The following SLITRK5 variants were observed in gnomAD, a reference collection of about 807,000 sequenced individuals.
SLITRK5 encodes the protein SLIT and NTRK-like protein 5.
In SLITRK5, 23 loss-of-function variants were observed where a neutral mutation model predicts 56.2. The ratio of observed to expected loss-of-function variants is 0.41; its 90% CI spans 0.29 to 0.58. The LOEUF is 0.58. Among genes scored for constraint, SLITRK5 ranks in the 20% least tolerant of loss-of-function variants. The pLI is 0.30. For missense variants in SLITRK5, 1,289 were observed against 1,226.6 expected (o/e 1.05, Z -0.76); for synonymous variants, 637 against 531.8 (o/e 1.20, Z -2.72).
chr13:87,675,057 A>G (rs114967920), intron 1 of SLITRK5, among the ~76,000 whole-genome samples: 1 of 151,672 alleles, frequency 6.6e-6, no homozygotes, highest in Admixed American at 6.6e-5. Flanking sequence ...CAGCCATTTT[A>G]TGTATATTTA....
Position 87,677,435 on chromosome 13 carries a change from G to A in SLITRK5, c.2047G>A (p.Gly683Arg), listed in dbSNP as rs375616603. Reference sequence around the variant, plus strand: ...CATCATGTCCGTCTTCGTGGCCGCCGGGCTCTTCGTGCTGGTCATGAAGCG... The same window carrying A: ...CATCATGTCCGTCTTCGTGGCCGCCAGGCTCTTCGTGCTGGTCATGAAGCG... The part of the protein sequence containing the change: ...VFIMSVFVAA[G>R]LFVLVMKRRK... Residue 683 changes from glycine (G) to arginine (R), a missense_variant, in exon 2 of 2, where the codon GGG becomes AGG. By Grantham distance (125) the Gly-to-Arg change is moderately radical. This residue lies in a region of SLITRK5 where 985 missense variants were observed against 906.0 expected (regional missense o/e 1.09). Transcript: ENST00000683689. This position sits in a 1 kb window ranked among gnomAD's most constrained non-coding sequence, Gnocchi z 4.7. 1 of 1,613,170 alleles carries A rather than the reference G, an allele frequency of 6.2e-7. No individual in the cohort carries two copies. Among genetic ancestry groups the A allele is most frequent in the Non-Finnish European group, 8.5e-7 (1 of 1,179,982 alleles).
Position 87,678,530 on chromosome 13 carries a change from A to G in SLITRK5, c.*265A>G. 2 of 448,760 alleles carry G rather than the reference A, an allele frequency of 4.5e-6. No individual in the cohort carries two copies. The allele number at this position is 448,760 out of a possible 1,614,324, so 27.8% of individuals were successfully genotyped here. On this transcript the variant is annotated 3_prime_UTR_variant, in exon 2 of 2. Transcript: ENST00000683689. Reference sequence around the variant, plus strand: ...GTGGAGAAGGGCTTTAAGGAGGCCAATTTGCTGCGCGGGTGACCTGTGAAA... The same window carrying G: ...GTGGAGAAGGGCTTTAAGGAGGCCAGTTTGCTGCGCGGGTGACCTGTGAAA...
At position 87,671,621 on chromosome 13, in the gene SLITRK5, G is replaced by C. The variant is rs918127012; in HGVS notation, c.-597G>C. On this transcript the variant is annotated 5_prime_UTR_variant, in exon 1 of 2. Transcript: ENST00000683689. ...ACAGGCATAGAACGACGCGGTTGCT[G>C]CCCGCCCCCCCCTTCCCCCAGAAAC... Among the ~76,000 whole-genome samples the C allele has an allele frequency of 2.6e-5, 4 of 151,976 alleles. No individual in the cohort carries two copies. Among genetic ancestry groups the C allele is most frequent in the African/African-American group, 9.7e-5 (4 of 41,372 alleles).
chr13:87,677,548 C>T lies in SLITRK5; in HGVS notation c.2160C>T (p.Gly720=). 1 of 1,608,116 alleles carries T rather than the reference C, an allele frequency of 6.2e-7. No individual in the cohort carries two copies. The highest frequency in any genetic ancestry group is 1.1e-5 in the South Asian group (1 of 90,902). The change falls in exon 2 of 2, where the codon GGC becomes GGT. Residue 720 remains glycine, a synonymous_variant. Coordinates refer to ENST00000683689, the MANE Select transcript of SLITRK5 (RefSeq NM_001384609.1). This position sits in a 1 kb window ranked among gnomAD's most constrained non-coding sequence, Gnocchi z 4.7. ...FNMQYSVYGG[G]GGTGGHPHAH... The stretch of plus-strand genomic sequence containing the variant: ...TGCAGTACAGCGTGTACGGCGGCGG[C>T]GGCGGCACGGGCGGCCACCCACACG...
At position 87,677,310 on chromosome 13, in the gene SLITRK5, T is replaced by G. The variant is rs1001877271; in HGVS notation, c.1922T>G (p.Val641Gly). 9.3e-6 allele frequency: 15 copies of G among 1,614,006 alleles called. No individual in the cohort carries two copies. The highest frequency in any genetic ancestry group is 1.3e-5 in the Non-Finnish European group (15 of 1,180,026). Reference sequence around the variant, plus strand: ...AGGACCAGCGCCGTGACTCCTGCGGTCCGGTTGAATAGCACCGGGGCCCCC... The same window carrying G: ...AGGACCAGCGCCGTGACTCCTGCGGGCCGGTTGAATAGCACCGGGGCCCCC... ...PARTSAVTPA[V>G]RLNSTGAPAS... The change falls in exon 2 of 2, where the codon GTC becomes GGC. Residue 641 changes from valine to glycine, a missense_variant. Val to Gly is a moderately radical substitution (Grantham distance 109). This residue lies in a region of SLITRK5 where 985 missense variants were observed against 906.0 expected (regional missense o/e 1.09). Transcript: ENST00000683689. This position sits in a 1 kb window ranked among gnomAD's most constrained non-coding sequence, Gnocchi z 4.7.
chr13:87,674,007 A>AACAC (rs71101016), intron 1 of SLITRK5, among the ~76,000 whole-genome samples: 2,445 of 142,596 alleles, frequency 0.017, 36 homozygotes, highest in African/African-American at 0.044. Context: ...CGCACACACA[A>AACAC]ACACACACAC....
chr13:87,672,806 C>A (rs1205687483), intron 1 of SLITRK5: 2 of 153,414 alleles, frequency 1.3e-5, no homozygotes, highest in African/African-American at 2.5e-5. Context: ...GATGACTGGG[C>A]CTTGGAGATG....
rs1429021503 is a variant in SLITRK5 at position 87,676,549 on chromosome 13, G to C, written c.1161G>C (p.Leu387=). The change falls in exon 2 of 2, where the codon CTG becomes CTC. Residue 387 remains leucine (L), a synonymous_variant. Transcript: ENST00000683689. ...CTTGCAACCTGCAGATCTCTGATCT[G>C]GGCCTCAACGTAAACTGCCAGGAGC... The part of the protein sequence containing the change: ...ACSCNLQISD[L]GLNVNCQERK... 1 of 1,613,978 alleles carries C rather than the reference G, an allele frequency of 6.2e-7. No individual in the cohort carries two copies. The highest frequency in any genetic ancestry group is 8.5e-7 in the Non-Finnish European group (1 of 1,180,032).
At position 87,677,008 on chromosome 13, in the gene SLITRK5, C is replaced by G; in HGVS notation, c.1620C>G (p.Phe540Leu). 1 of 1,614,152 alleles carries G rather than the reference C, an allele frequency of 6.2e-7. No individual in the cohort carries two copies. Among genetic ancestry groups the G allele is most frequent in the Non-Finnish European group, 8.5e-7 (1 of 1,180,026 alleles). ...LLRLNLRSNH[F>L]TSLPVSGVLD... ...GGCTAAACCTGAGGAGTAACCACTT[C>G]ACCTCCTTGCCAGTGAGTGGAGTTT... Residue 540 changes from phenylalanine to leucine, a missense_variant, in exon 2 of 2, where the codon TTC becomes TTG. Physicochemically the swap from Phe to Leu is conservative, Grantham distance 22 (BLOSUM62 0). Around this residue, in one of 3 missense-constraint regions of SLITRK5, gnomAD observed 985 missense variants for 906.0 expected, o/e 1.09. Coordinates refer to ENST00000683689, the MANE Select transcript of SLITRK5 (RefSeq NM_001384609.1). This position sits in a 1 kb window ranked among gnomAD's most constrained non-coding sequence, Gnocchi z 4.7.
At chr13:87,674,466 C>T in intron 1 of SLITRK5, 9 of 919,810 alleles carry the variant, frequency 9.8e-6, no homozygotes, top group Non-Finnish European at 1.2e-5. Flanking sequence ...GTAGGAACGT[C>T]CTTTTTAAAC....
Position 87,677,585 on chromosome 13 carries a change from C to G in SLITRK5, c.2197C>G (p.His733Asp). ...CGGCCACCCACACGCGCACGTGCATCACCGCGGGCCCGCGCTGCCCAAGGT... is the reference window on the plus strand; with the variant it reads ...CGGCCACCCACACGCGCACGTGCATGACCGCGGGCCCGCGCTGCCCAAGGT... ...TGGHPHAHVH[H>D]RGPALPKVKT... Residue 733 changes from histidine (H) to aspartate (D), a missense_variant, in exon 2 of 2, where the codon CAC becomes GAC. Physicochemically the swap from His to Asp is moderately conservative, Grantham distance 81. Transcript: ENST00000683689. The surrounding 1 kb of genome is among the most constrained non-coding windows in gnomAD (Gnocchi z 4.7). The G allele has an allele frequency of 6.2e-7, 1 of 1,609,712 alleles. No individual in the cohort carries two copies. The highest frequency in any genetic ancestry group is 8.5e-7 in the Non-Finnish European group (1 of 1,177,202).
chr13:87,673,587 C>T (rs1877138902), intron 1 of SLITRK5: 10 of 1,185,850 alleles, frequency 8.4e-6, no homozygotes, highest in Non-Finnish European at 1.1e-5. Context: ...AAACGTTTTG[C>T]TTTCACTGGG....
In SLITRK5 at chr13:87,676,368, C is replaced by G; in HGVS notation, c.980C>G (p.Pro327Arg). ...TCTTCCTCTGCTGTTTACAAACCCC[C>G]TTTGAAGCCCCCTAAGGGGACTCGC... Reference protein sequence around the residue: ...ATSSSAVYKPPLKPPKGTRQP... With the variant: ...ATSSSAVYKPRLKPPKGTRQP... The change falls in exon 2 of 2, where the codon CCT (proline) becomes CGT (arginine). Residue 327 changes from proline (P) to arginine (R), a missense_variant. Coordinates refer to ENST00000683689, the MANE Select transcript of SLITRK5 (RefSeq NM_001384609.1). The G allele has an allele frequency of 6.2e-7, 1 of 1,614,132 alleles. No homozygotes were observed. The highest frequency in any genetic ancestry group is 8.5e-7 in the Non-Finnish European group (1 of 1,180,024).
chr13:87,677,358 G>A lies in SLITRK5; in HGVS notation c.1970G>A (p.Gly657Glu), dbSNP rs757317262. 1 of 1,614,014 alleles carries A rather than the reference G, an allele frequency of 6.2e-7. No individual in the cohort carries two copies. The highest frequency in any genetic ancestry group is 8.5e-7 in the Non-Finnish European group (1 of 1,179,986). The part of the protein sequence containing the change: ...GAPASLGAGG[G>E]ASSVPLSVLI... ...CCCGCGAGCTTGGGCGCAGGCGGAG[G>A]GGCGTCGTCGGTGCCCTTGTCTGTG... is the stretch of plus-strand genomic sequence containing the variant. Residue 657 changes from glycine (G) to glutamate (E), a missense_variant, in exon 2 of 2, where the codon GGG becomes GAG. Transcript: ENST00000683689. This position sits in a 1 kb window ranked among gnomAD's most constrained non-coding sequence, Gnocchi z 4.7.
intron 1 of SLITRK5, chr13:87,674,272 T>C: frequency 2.1e-6 from 1 of 480,016 alleles, no homozygotes; most frequent in Non-Finnish European, 2.7e-6. Context: ...GTCCTTTCCC[T>C]GAGATTAAAA....
At chr13:87,674,148 G>A (rs1011589721) in intron 1 of SLITRK5, among the ~76,000 whole-genome samples, 1 of 152,120 alleles carries the variant, frequency 6.6e-6, no homozygotes, top group Admixed American at 6.5e-5. Context: ...AAAAAAGGGG[G>A]AGGGGGTCAT....
In SLITRK5 at chr13:87,678,147, C is replaced by A. The variant is rs777072239; in HGVS notation, c.2759C>A (p.Pro920Gln). The A allele has an allele frequency of 4.3e-6, 7 of 1,614,050 alleles. No individual in the cohort carries two copies. The highest frequency in any genetic ancestry group is 1.6e-4 in the Middle Eastern group (1 of 6,084). Residue 920 changes from proline (P) to glutamine (Q), a missense_variant, in exon 2 of 2, where the codon CCG becomes CAG. Transcript: ENST00000683689. ...CGGGAACCGGTGCTCTACAGCCCCC[C>A]GAGTGCTGTCTTTGTAGAACCCAAC... ...RLREPVLYSP[P>Q]SAVFVEPNRN...
At chr13:87,674,058 T>A (rs1437344166) in intron 1 of SLITRK5, among the ~76,000 whole-genome samples, 2 of 151,616 alleles carry the variant, frequency 1.3e-5, no homozygotes, top group East Asian at 3.9e-4. Context: ...TCCATTTATG[T>A]CCTTCCTTTA....
chr13:87,678,081 C>T lies in SLITRK5; in HGVS notation c.2693C>T (p.Pro898Leu), dbSNP rs763092638. Residue 898 changes from proline (P) to leucine (L), a missense_variant, in exon 2 of 2, where the codon CCC becomes CTC. Around this residue, in one of 3 missense-constraint regions of SLITRK5, gnomAD observed 985 missense variants for 906.0 expected, o/e 1.09. Coordinates refer to ENST00000683689, the MANE Select transcript of SLITRK5 (RefSeq NM_001384609.1). ...TFSPNYDLRR[P>L]HQYLHPGAGD... ...TCCCCCAACTATGACCTGAGACGCC[C>T]CCATCAGTATTTGCACCCGGGGGCA... 2.5e-6 allele frequency: 4 copies of T among 1,614,212 alleles called. No individual in the cohort carries two copies. In the South Asian group the frequency reaches 4.4e-5, roughly 18 times the overall value.
Sources: allele counts gnomAD v4.1 joint callset (sites outside exome capture counted in the v4.1 genomes callset), GRCh38; gene constraint gnomAD v4.1.1; regional missense constraint gnomAD v4.1.1; non-coding constraint Gnocchi (gnomAD v3.1); transcripts MANE v1.5; gene names NCBI Gene and HGNC (gene_info 2026-07-23, HGNC 2026-07-21).